The following IQCJ variants were observed in gnomAD, a reference collection of about 807,000 sequenced individuals.
IQCJ encodes IQ domain-containing protein J.
Under a neutral mutation model 11.0 loss-of-function variants are expected in IQCJ, and 9 were observed. The ratio of observed to expected loss-of-function variants is 0.82; its 90% CI spans 0.49 to 1.43. The LOEUF is 1.43. IQCJ is among the 40% of genes most tolerant of loss of function. The pLI is 0.00. For missense variants in IQCJ, 146 were observed against 133.2 expected, an observed-to-expected ratio of 1.10 and a Z score of -0.47; for synonymous variants, 55 against 51.3, an observed-to-expected ratio of 1.07 and a Z score of -0.31.
intron 1 of IQCJ, among the ~76,000 whole-genome samples, chr3:159,073,677 C>T: frequency 6.6e-6 from 1 of 152,142 alleles, no homozygotes; most frequent in Non-Finnish European, 1.5e-5. Flanking sequence ...AATTCAGTCT[C>T]TCCACTGCCA....
rs1384001943 is a variant in IQCJ, at chr3:159,143,762, A to G, written c.9+74321A>G. On this transcript the variant is annotated intron_variant, in intron 1 of 3. Coordinates refer to ENST00000397832, the MANE Select transcript of IQCJ (RefSeq NM_001042706.3). ...GCTTCACAAGAATATTGGAGCCAGG[A>G]GGTACGTCTTAGTCCACTTGTGCTA... 3.3e-5 allele frequency among the ~76,000 whole-genome samples: 5 copies of G among 152,334 alleles called. 1 individual carries two copies. The highest frequency in any genetic ancestry group is 6.8e-3 in the Middle Eastern group (2 of 294).
Position 159,094,802 on chromosome 3 carries a change from T to C in IQCJ, c.9+25361T>C, listed in dbSNP as rs79400283. The stretch of plus-strand genomic sequence containing the variant: ...CTTGGATGGGTCAAATAATGAATGG[T>C]ATTTTAGAGGCATCTTCTTTATTAT... On this transcript the variant is annotated intron_variant, in intron 1 of 3. Coordinates refer to ENST00000397832, the MANE Select transcript of IQCJ (RefSeq NM_001042706.3). Among the ~76,000 whole-genome samples the C allele has an allele frequency of 8.4e-4, 127 of 152,002 alleles. 2 individuals are homozygous for C. The highest frequency in any genetic ancestry group is 3.0e-3 in the African/African-American group (122 of 41,272).
chr3:159,197,307 C>T (rs1724044394), intron 1 of IQCJ, among the ~76,000 whole-genome samples: 1 of 152,168 alleles, frequency 6.6e-6, no homozygotes, highest in Non-Finnish European at 1.5e-5. Flanking sequence ...TCTGCTTCTT[C>T]AAAATTTCCC....
At chr3:159,120,745 C>A (rs1406782450) in intron 1 of IQCJ, among the ~76,000 whole-genome samples, 1 of 152,172 alleles carries the variant, frequency 6.6e-6, no homozygotes, top group Non-Finnish European at 1.5e-5. Context: ...AACAAAAACT[C>A]ACCTAAAGTG....
At chr3:159,179,475 C>T (rs960494397) in intron 1 of IQCJ, among the ~76,000 whole-genome samples, 2 of 151,918 alleles carry the variant, frequency 1.3e-5, no homozygotes, top group African/African-American at 4.8e-5. Context: ...ATTGATCTTA[C>T]CAACATAAGT....
chr3:159,139,385 A>T (rs1301334667), intron 1 of IQCJ, among the ~76,000 whole-genome samples: 1 of 152,164 alleles, frequency 6.6e-6, no homozygotes, highest in Admixed American at 6.5e-5. Context: ...GTTTGCTGTG[A>T]GACTGTGTGA....
At chr3:159,178,363 G>C (rs763475751) in intron 1 of IQCJ, among the ~76,000 whole-genome samples, 10 of 152,126 alleles carry the variant, frequency 6.6e-5, no homozygotes, top group Non-Finnish European at 7.4e-5. Context: ...TTAATCTTGG[G>C]TGAATGACTT....
At chr3:159,107,166 A>G (rs1290803097) in intron 1 of IQCJ, among the ~76,000 whole-genome samples, 2 of 152,086 alleles carry the variant, frequency 1.3e-5, no homozygotes, top group Non-Finnish European at 2.9e-5. Context: ...CAAACTTCAT[A>G]AGTTAAAAAT....
chr3:159,189,211 C>A (rs970682386), intron 1 of IQCJ, among the ~76,000 whole-genome samples: 1 of 152,124 alleles, frequency 6.6e-6, no homozygotes, highest in Non-Finnish European at 1.5e-5. Flanking sequence ...GGGTAACTTG[C>A]TTCATCCTGC....
At chr3:159,264,907 AAAC>A (rs1229935749), downstream of IQCJ, among the ~76,000 whole-genome samples, 3 of 146,874 alleles carry the variant, frequency 2.0e-5, no homozygotes, top group Non-Finnish European at 4.6e-5. Flanking sequence ...ACAGAGGGGA[AAAC>A]AAAAAAAAAA....
At chr3:159,154,409 A>G (rs1721398968) in intron 1 of IQCJ, among the ~76,000 whole-genome samples, 1 of 152,204 alleles carries the variant, frequency 6.6e-6, no homozygotes, top group East Asian at 1.9e-4. Context: ...ATTTAGAATA[A>G]AATATTTAAA....
At chr3:159,101,881 T>G (rs1717950005) in intron 1 of IQCJ, among the ~76,000 whole-genome samples, 1 of 152,256 alleles carries the variant, frequency 6.6e-6, no homozygotes. Context: ...AACATTTCTA[T>G]CCAATCTCCA....
At chr3:159,202,428 T>C (rs1439022907) in intron 1 of IQCJ, among the ~76,000 whole-genome samples, 2 of 152,196 alleles carry the variant, frequency 1.3e-5, no homozygotes, top group Non-Finnish European at 2.9e-5. Flanking sequence ...TCAGTTTCTG[T>C]CCTCTGGAGG....
At chr3:159,187,221 G>GA (rs1172899788) in intron 1 of IQCJ, among the ~76,000 whole-genome samples, 1 of 152,198 alleles carries the variant, frequency 6.6e-6, no homozygotes, top group East Asian at 1.9e-4. Flanking sequence ...TGAACAGAGA[G>GA]AAAAGGCTAT....
rs1206729843 is a variant in IQCJ at position 159,185,452 on chromosome 3, C to T, written c.10-60391C>T. ...ATCCTGAGTGCCAATCCACTATATT[C>T]ATCAAAGCTATGGTTGTTAGACCAT... On this transcript the variant is annotated intron_variant, in intron 1 of 3. Transcript: ENST00000397832. Among the ~76,000 whole-genome samples the T allele has an allele frequency of 2.6e-5, 4 of 152,156 alleles. No individual in the cohort carries two copies. The East Asian group carries it at 7.7e-4, about 29-fold the overall frequency.
chr3:159,194,393 G>A (rs59142402), intron 1 of IQCJ, among the ~76,000 whole-genome samples: 15,014 of 152,108 alleles, frequency 0.099, 2,486 homozygotes, highest in African/African-American at 0.34. Flanking sequence ...TTCTGACTTC[G>A]CCATTTGCTA....
At chr3:159,095,589 C>T (rs1245317957) in intron 1 of IQCJ, among the ~76,000 whole-genome samples, 1 of 110,838 alleles carries the variant, frequency 9.0e-6, no homozygotes, top group East Asian at 2.6e-4. Flanking sequence ...TGTTCAATTC[C>T]CACCTATTAG....
intron 1 of IQCJ, among the ~76,000 whole-genome samples, chr3:159,107,023 C>G (rs895694419): frequency 1.3e-5 from 2 of 152,138 alleles, no homozygotes; most frequent in Admixed American, 1.3e-4. Context: ...TGTTGTTCTG[C>G]AAATTATGAC....
At chr3:159,180,492 A>G (rs1337981039) in intron 1 of IQCJ, among the ~76,000 whole-genome samples, 3 of 152,102 alleles carry the variant, frequency 2.0e-5, no homozygotes, top group South Asian at 4.1e-4. Flanking sequence ...ATATTTATAT[A>G]TGTTTAAACA....
Sources: gnomAD v4.1 joint callset for allele counts (sites outside exome capture counted in the v4.1 genomes callset) on GRCh38, gnomAD v4.1.1 for gene constraint, MANE v1.5 for transcripts, NCBI Gene and HGNC (gene_info 2026-07-23, HGNC 2026-07-21) for gene names.